Variants in HLA-DPA1 observed in about 807,000 individuals in gnomAD.
The protein encoded by HLA-DPA1 is HLA class II histocompatibility antigen, DP alpha 1 chain.
A neutral mutation model predicts 21.5 loss-of-function variants in HLA-DPA1; 20 were observed. The observed-to-expected ratio is 0.93, with a 90% CI of 0.66 to 1.35. HLA-DPA1 has a LOEUF of 1.35. Ranked by LOEUF, HLA-DPA1 falls within the 40% of genes most tolerant of loss-of-function variation. HLA-DPA1 has a pLI of 0.00. For missense variants in HLA-DPA1, 279 were observed against 323.0 expected (o/e 0.86, Z 1.05); for synonymous variants, 123 against 129.6 (o/e 0.95, Z 0.35).
chr6:33,075,588 A>G (rs536021254), intron 1 of HLA-DPA1, among the ~76,000 whole-genome samples: 6 of 152,302 alleles, frequency 3.9e-5, no homozygotes, highest in African/African-American at 1.2e-4. Context: ...CATGCCACTG[A>G]ATGACCTTTT....
Sources: gnomAD v4.1 joint callset for allele counts (sites outside exome capture counted in the v4.1 genomes callset) on GRCh38, gnomAD v4.1.1 for gene constraint, MANE v1.5 for transcripts, NCBI Gene and HGNC (gene_info 2026-07-23, HGNC 2026-07-21) for gene names.